Variants in RRP9 observed in about 807,000 individuals in gnomAD.
The protein encoded by RRP9 is U3 small nucleolar RNA-interacting protein 2.
RRP9 carries 35 observed loss-of-function variants against 65.5 expected under a neutral mutation model. That is an observed-to-expected ratio of 0.53 (90% CI 0.41 to 0.71). The LOEUF is 0.71. RRP9 is among the 30% of genes least tolerant of loss of function. RRP9 has a pLI of 0.00. For missense variants in RRP9, 533 were observed against 633.6 expected (o/e 0.84, Z 1.70); for synonymous variants, 254 against 245.0 (o/e 1.04, Z -0.34).
Position 51,935,407 on chromosome 3 carries a change from G to T in RRP9, c.906C>A (p.Gly302=). The T allele has an allele frequency of 6.2e-7, 1 of 1,614,090 alleles. No homozygotes were observed. Among genetic ancestry groups the T allele is most frequent in the Non-Finnish European group, 8.5e-7 (1 of 1,180,010 alleles). Residue 302 remains glycine (G), a synonymous_variant, in exon 10 of 15, where the codon GGC becomes GGA. Transcript: ENST00000232888. ...TCCACACACGTACAGTCCCATCCCG[G>T]CCCCCAGCCGTCACACAGCACTCCC... ...LSRECCVTAG[G]RDGTVRVWKI...
chr3:51,936,103 T>A (rs1353118060), intron 8 of RRP9, among the ~76,000 whole-genome samples, 154 bp downstream of exon 8: 3 of 152,140 alleles, frequency 2.0e-5, no homozygotes, highest in African/African-American at 7.2e-5. Flanking sequence ...CCCATCCCTT[T>A]AGCCCATTTA....
intron 8 of RRP9, 142 bp downstream of exon 8, chr3:51,936,114 TG>T (rs1353677430): frequency 1.4e-6 from 1 of 737,966 alleles, no homozygotes; most frequent in African/African-American, 1.7e-5. Context: ...AGCCCATTTA[TG>T]TATTTTACAG....
chr3:51,934,665 C>T lies in RRP9; in HGVS notation c.1146G>A (p.Val382=). 6.2e-7 allele frequency: 1 copy of T among 1,614,152 alleles called. No individual in the cohort carries two copies. The highest frequency in any genetic ancestry group is 8.5e-7 in the Non-Finnish European group (1 of 1,180,036). The part of the protein sequence containing the change: ...GLEQPFWISS[V]AALLNTDLVA... ...CAAGGTCTGTGTTGAGGAGGGCTGCCACCGACGATATCCAGAAGGGCTGCT... is the reference window on the plus strand; with the variant it reads ...CAAGGTCTGTGTTGAGGAGGGCTGCTACCGACGATATCCAGAAGGGCTGCT... Residue 382 remains valine, a synonymous_variant, in exon 12 of 15, where the codon GTG becomes GTA. Coordinates refer to ENST00000232888, the MANE Select transcript of RRP9 (RefSeq NM_004704.5). The surrounding 1 kb of genome is among the most constrained non-coding windows in gnomAD (Gnocchi z 4.1).
intron 1 of RRP9, 105 bp downstream of exon 1, chr3:51,941,676 C>A: frequency 8.4e-7 from 1 of 1,185,548 alleles, no homozygotes; most frequent in East Asian, 2.5e-5. Context: ...CAGCAGGGGT[C>A]CAGGGCGAAG....
intron 14 of RRP9, 39 bp downstream of exon 14, chr3:51,933,669 C>T (rs1699416875): frequency 1.9e-6 from 3 of 1,612,638 alleles, no homozygotes; most frequent in Non-Finnish European, 2.5e-6. Context: ...GCTGTCCAGC[C>T]TGCACCACCT....
intron 8 of RRP9, among the ~76,000 whole-genome samples, chr3:51,936,040 C>T (rs1271626429): frequency 1.3e-5 from 2 of 152,162 alleles, no homozygotes; most frequent in African/African-American, 4.8e-5. Context: ...GGCGGCTTCT[C>T]AAGGCCCTCG....
rs1699434941 is a variant in RRP9, at chr3:51,934,870, C to A, written c.1035-94G>T. On this transcript the variant is annotated intron_variant, in intron 11 of 14. Coordinates refer to ENST00000232888, the MANE Select transcript of RRP9 (RefSeq NM_004704.5). This position sits in a 1 kb window ranked among gnomAD's most constrained non-coding sequence, Gnocchi z 4.1. Reference sequence around the variant, plus strand: ...GGATTAATGCTTGAGGGGATGGATACCCCATTTCCCATGATGTGATTATTA... The same window carrying A: ...GGATTAATGCTTGAGGGGATGGATAACCCATTTCCCATGATGTGATTATTA... 2.3e-6 allele frequency: 3 copies of A among 1,328,688 alleles called. No homozygotes were observed. The highest frequency in any genetic ancestry group is 3.1e-6 in the Non-Finnish European group (3 of 962,848). 82.3% of individuals were successfully genotyped at this position (1,328,688 alleles called of 1,614,324 possible).
rs201771575 is a variant in RRP9, at chr3:51,937,312, C to A, written c.397G>T (p.Ala133Ser). Residue 133 changes from alanine (A) to serine (S), a missense_variant, in exon 6 of 15, where the codon GCC (alanine) becomes TCC (serine). By Grantham distance (99) the Ala-to-Ser change is moderately conservative (BLOSUM62 1). Around this residue, in one of 3 missense-constraint regions of RRP9, gnomAD observed 449 missense variants for 550.6 expected, o/e 0.82. Transcript: ENST00000232888. The surrounding 1 kb of genome is among the most constrained non-coding windows in gnomAD (Gnocchi z 5.0). The part of the protein sequence containing the change: ...LQKLVAKEIQ[A>S]PASADIRVLR... ...ACGCGAATGTCAGCTGAGGCTGGGG[C>A]CTGGATCTGGGCAGACAGGGGCCAG... is the stretch of plus-strand genomic sequence containing the variant. 2 of 1,614,128 alleles carry A rather than the reference C, an allele frequency of 1.2e-6. No individual in the cohort carries two copies. Among genetic ancestry groups the A allele is most frequent in the Admixed American group, 3.3e-5 (2 of 60,020 alleles).
In RRP9 at chr3:51,937,760, G is replaced by C; in HGVS notation, c.281-24C>G. On this transcript the variant is annotated intron_variant, in intron 3 of 14. Transcript: ENST00000232888. This position sits in a 1 kb window ranked among gnomAD's most constrained non-coding sequence, Gnocchi z 5.0. ...CTCTGTGCAGGACAGACCAGACCAAGTAAACTGAGGCTGAGACCCCTCTTT... is the reference window on the plus strand; with the variant it reads ...CTCTGTGCAGGACAGACCAGACCAACTAAACTGAGGCTGAGACCCCTCTTT... 6.2e-7 allele frequency: 1 copy of C among 1,613,254 alleles called. No individual in the cohort carries two copies. The highest frequency in any genetic ancestry group is 8.5e-7 in the Non-Finnish European group (1 of 1,179,734).
At position 51,936,552 on chromosome 3, in the gene RRP9, C is replaced by G; in HGVS notation, c.521G>C (p.Ser174Thr). ...AAKDCSIIKW[S>T]VESGRKLHVI... ...ATGCAGCTTCCGTCCACTCTCCACGCTCCCTGCAGTTGGGGGTGGGGGAGA... is the reference window on the plus strand; with the variant it reads ...ATGCAGCTTCCGTCCACTCTCCACGGTCCCTGCAGTTGGGGGTGGGGGAGA... Residue 174 changes from serine (S) to threonine (T), a missense_variant, in exon 7 of 15, where the codon AGC becomes ACC. By Grantham distance (58) the Ser-to-Thr change is moderately conservative. Around this residue, in one of 3 missense-constraint regions of RRP9, gnomAD observed 449 missense variants for 550.6 expected, o/e 0.82. Coordinates refer to ENST00000232888, the MANE Select transcript of RRP9 (RefSeq NM_004704.5). The G allele has an allele frequency of 3.1e-6, 5 of 1,613,896 alleles. No homozygotes were observed. Among genetic ancestry groups the G allele is most frequent in the Non-Finnish European group, 3.4e-6 (4 of 1,179,966 alleles).
rs1246680029 is a variant in RRP9 at position 51,936,434 on chromosome 3, G to A, written c.639C>T (p.Tyr213=). ...LCMAISSDGK[Y]LASGDRSKLI... is the part of the protein sequence containing the mutation. ...CCCAGGGCCAACCTGGCCTTACAAG[G>A]TACTTGCCGTCGGAGGAGATGGCCA... is the stretch of plus-strand genomic sequence containing the variant. The change falls in exon 7 of 15, where the codon TAC becomes TAT. Residue 213 remains tyrosine (Y), a synonymous_variant. Coordinates refer to ENST00000232888, the MANE Select transcript of RRP9 (RefSeq NM_004704.5). 6.2e-7 allele frequency: 1 copy of A among 1,614,226 alleles called. No homozygotes were observed. Among genetic ancestry groups the A allele is most frequent in the Admixed American group, 1.7e-5 (1 of 60,030 alleles).
In RRP9 at chr3:51,937,592, T is replaced by C. The variant is rs1044334676; in HGVS notation, c.349-6A>G. 1.3e-5 allele frequency: 21 copies of C among 1,614,098 alleles called. No individual in the cohort carries two copies. The highest frequency in any genetic ancestry group is 1.8e-5 in the Non-Finnish European group (21 of 1,180,040). ...AGCCTGCCCCTCTGCTCAAGCTGCA[T>C]GGAGAAGAGATGGATGAGACCCTGG... On this transcript the variant is annotated splice_polypyrimidine_tract_variant and splice_region_variant and intron_variant, in intron 4 of 14. Transcript: ENST00000232888. This position sits in a 1 kb window ranked among gnomAD's most constrained non-coding sequence, Gnocchi z 5.0.
Position 51,938,129 on chromosome 3 carries a change from C to G in RRP9, c.246G>C (p.Leu82Phe). The change falls in exon 3 of 15, where the codon TTG (leucine) becomes TTC (phenylalanine). Residue 82 changes from leucine (L) to phenylalanine (F), a missense_variant. Leu to Phe is a conservative substitution (Grantham distance 22). Coordinates refer to ENST00000232888, the MANE Select transcript of RRP9 (RefSeq NM_004704.5). ...EETAQEKKLR[L>F]AKLYLEQLRQ... ...GGAGCTGCTCTAGGTAGAGCTTGGC[C>G]AAGCGCAGCTTCTTTTCCTGTGCAG... 1.9e-6 allele frequency: 3 copies of G among 1,608,894 alleles called. No homozygotes were observed. The highest frequency in any genetic ancestry group is 2.5e-6 in the Non-Finnish European group (3 of 1,179,358).
chr3:51,941,532 C>T (rs769119358), intron 1 of RRP9, 41 bp from the exon 2 acceptor site: 1 of 1,577,688 alleles, frequency 6.3e-7, no homozygotes, highest in African/African-American at 1.4e-5. Context: ...GGGGTCCAGA[C>T]CACCCTGGCA....
rs745454650 is a variant in RRP9, at chr3:51,935,331, G to C, written c.971+11C>G. 8 of 1,614,142 alleles carry C rather than the reference G, an allele frequency of 5.0e-6. No homozygotes were observed. The highest frequency in any genetic ancestry group is 1.7e-5 in the Admixed American group (1 of 60,026). On this transcript the variant is annotated intron_variant, in intron 10 of 14. Coordinates refer to ENST00000232888, the MANE Select transcript of RRP9 (RefSeq NM_004704.5). ...CCATGTAGCCCCCACTGGCATGGCA[G>C]GCCACCTTACTGGTGGCCATAGAAG...
Position 51,934,759 on chromosome 3 carries a change from C to G in RRP9, c.1052G>C (p.Gly351Ala), listed in dbSNP as rs200319255. 4 of 1,613,702 alleles carry G rather than the reference C, an allele frequency of 2.5e-6. No homozygotes were observed. The South Asian group carries it at 4.4e-5, about 18-fold the overall frequency. Residue 351 changes from glycine (G) to alanine (A), a missense_variant, in exon 12 of 15, where the codon GGT (glycine) becomes GCT (alanine). Around this residue, in one of 3 missense-constraint regions of RRP9, gnomAD observed 449 missense variants for 550.6 expected, o/e 0.82. Coordinates refer to ENST00000232888, the MANE Select transcript of RRP9 (RefSeq NM_004704.5). This position sits in a 1 kb window ranked among gnomAD's most constrained non-coding sequence, Gnocchi z 4.1. The part of the protein sequence containing the change: ...GADDGSVALW[G>A]LSKKRPLALQ... Reference sequence around the variant, plus strand: ...GGCAAGTGGTCGCTTCTTGGAGAGACCCCACAAGGCCACAGAGCTATAAAC... The same window carrying G: ...GGCAAGTGGTCGCTTCTTGGAGAGAGCCCACAAGGCCACAGAGCTATAAAC...
At position 51,935,631 on chromosome 3, in the gene RRP9, T is replaced by G. The variant is rs967504043; in HGVS notation, c.797A>C (p.Lys266Thr). ...LYSTSHDRSVKVWNVAENSYV... is the reference protein window; with the variant it reads ...LYSTSHDRSVTVWNVAENSYV... Reference sequence around the variant, plus strand: ...GGAGTTCTCTGCCACATTCCACACCTTCACGGAGCGATCGTGGGATGTGCT... The same window carrying G: ...GGAGTTCTCTGCCACATTCCACACCGTCACGGAGCGATCGTGGGATGTGCT... The change falls in exon 9 of 15, where the codon AAG becomes ACG. Residue 266 changes from lysine (K) to threonine (T), a missense_variant. By Grantham distance (78) the Lys-to-Thr change is moderately conservative. Coordinates refer to ENST00000232888, the MANE Select transcript of RRP9 (RefSeq NM_004704.5). The G allele has an allele frequency of 1.9e-6, 3 of 1,614,024 alleles. No homozygotes were observed. The highest frequency in any genetic ancestry group is 2.5e-6 in the Non-Finnish European group (3 of 1,180,014).
Position 51,936,478 on chromosome 3 carries a change from T to C in RRP9, c.595A>G (p.Ser199Gly). The change falls in exon 7 of 15, where the codon AGC (serine) becomes GGC (glycine). Residue 199 changes from serine (S) to glycine (G), a missense_variant. Around this residue, in one of 3 missense-constraint regions of RRP9, gnomAD observed 449 missense variants for 550.6 expected, o/e 0.82. Coordinates refer to ENST00000232888, the MANE Select transcript of RRP9 (RefSeq NM_004704.5). ...ATGGCCATGCAGAGGACGTGGCTGC[T>C]GTGGCCAGGGGGCTTTCCCTCGGCA... ...KGAEGKPPGH[S>G]SHVLCMAISS... The C allele has an allele frequency of 6.2e-7, 1 of 1,614,244 alleles. No individual in the cohort carries two copies. Among genetic ancestry groups the C allele is most frequent in the Non-Finnish European group, 8.5e-7 (1 of 1,180,042 alleles).
chr3:51,940,284 C>T (rs1225067335), intron 2 of RRP9, among the ~76,000 whole-genome samples: 1 of 152,202 alleles, frequency 6.6e-6, no homozygotes, highest in Non-Finnish European at 1.5e-5. Flanking sequence ...TACATTCTTT[C>T]CATGAGCAAA....
Sources: gnomAD v4.1 joint callset for allele counts (sites outside exome capture counted in the v4.1 genomes callset) on GRCh38, gnomAD v4.1.1 for gene constraint, gnomAD v4.1.1 regional missense constraint, Gnocchi (gnomAD v3.1) non-coding constraint, MANE v1.5 for transcripts, NCBI Gene and HGNC (gene_info 2026-07-23, HGNC 2026-07-21) for gene names.